CD53: variants seen among roughly 807,000 people sequenced by gnomAD.
CD53 encodes the protein CD53 molecule, also known as leukocyte surface antigen CD53.
A neutral mutation model predicts 27.3 loss-of-function variants in CD53; 20 were observed. That is an observed-to-expected ratio of 0.73 (90% CI 0.52 to 1.07). CD53 has a LOEUF of 1.07. Among genes scored for constraint, CD53 ranks in the 50% least tolerant of loss-of-function variants. The pLI, the probability that CD53 is intolerant of heterozygous loss-of-function variation, is 0.00. For synonymous variants in CD53, 106 were observed against 105.3 expected (o/e 1.01, Z -0.04); for missense variants, 216 against 264.0 (o/e 0.82, Z 1.26).
chr1:110,886,869 A>ATATATATATATTTTT (rs1298376721), intron 1 of CD53, among the ~76,000 whole-genome samples: 118 of 82,742 alleles, frequency 1.4e-3, no homozygotes, highest in South Asian at 2.1e-3. Context: ...ATATATATAT[A>ATATATATATATTTTT]TTTTTTTTTT....
intron 1 of CD53, among the ~76,000 whole-genome samples, chr1:110,881,059 A>T (rs1342998266): frequency 6.6e-6 from 1 of 152,214 alleles, no homozygotes; most frequent in Non-Finnish European, 1.5e-5. Flanking sequence ...TTTAAAGTAT[A>T]ATACAGGGGG....
chr1:110,895,597 C>T (rs772008159), intron 5 of CD53, among the ~76,000 whole-genome samples: 1 of 152,112 alleles, frequency 6.6e-6, no homozygotes, highest in Non-Finnish European at 1.5e-5. Flanking sequence ...TATGAAAGCA[C>T]GCTGGCTTAG....
chr1:110,884,233 T>A (rs923152363), intron 1 of CD53, among the ~76,000 whole-genome samples: 2 of 152,134 alleles, frequency 1.3e-5, no homozygotes, highest in Non-Finnish European at 2.9e-5. Flanking sequence ...AATTCAGAAT[T>A]CTAATTTTCT....
chr1:110,874,969 TAG>T (rs1305493736), intron 1 of CD53, among the ~76,000 whole-genome samples: 2 of 152,172 alleles, frequency 1.3e-5, no homozygotes, highest in Admixed American at 6.5e-5. Flanking sequence ...AAAGGAGTTG[TAG>T]AGTTTATTAT....
intron 3 of CD53, 145 bp from the exon 4 acceptor site, chr1:110,894,177 CACAAA>C: frequency 1.5e-6 from 1 of 666,288 alleles, no homozygotes; most frequent in Admixed American, 2.5e-5. Flanking sequence ...CACATATTTT[CACAAA>C]ACAAAAGAAG....
chr1:110,881,896 C>T (rs991535022), intron 1 of CD53, among the ~76,000 whole-genome samples: 5 of 152,132 alleles, frequency 3.3e-5, no homozygotes, highest in Non-Finnish European at 7.4e-5. Context: ...TCCTTATTTG[C>T]CATCCATATA....
chr1:110,897,353 T>G (rs1468333921), intron 6 of CD53, among the ~76,000 whole-genome samples: 1 of 152,196 alleles, frequency 6.6e-6, no homozygotes, highest in Non-Finnish European at 1.5e-5. Flanking sequence ...GTTTTTCAGG[T>G]TTGTGGAGAA....
intron 6 of CD53, 120 bp downstream of exon 6, chr1:110,896,853 A>C: frequency 1.2e-6 from 1 of 819,688 alleles, no homozygotes; most frequent in South Asian, 1.8e-5. Flanking sequence ...CTTGAATAAA[A>C]GAGAGGCCAG....
intron 1 of CD53, among the ~76,000 whole-genome samples, chr1:110,876,713 C>A (rs546711655): frequency 9.2e-5 from 14 of 152,074 alleles, no homozygotes; most frequent in Non-Finnish European, 2.9e-5. Flanking sequence ...ACATAGAAGA[C>A]AAATTGTAAT....
Position 110,894,344 on chromosome 1 carries a change from G to A in CD53, c.270G>A (p.Leu90=). ...CLLMSFFILL[L]IILLAEVTLA... ...TGTCCCAGTTCTTCATCCTGCTGCT[G>A]ATTATCCTCCTTGCTGAGGTGACCT... Residue 90 remains leucine, a synonymous_variant, in exon 4 of 8, where the codon CTG becomes CTA. Coordinates refer to ENST00000271324, the MANE Select transcript of CD53 (RefSeq NM_000560.4). 1.2e-6 allele frequency: 2 copies of A among 1,614,056 alleles called. No individual in the cohort carries two copies. The highest frequency in any genetic ancestry group is 2.2e-5 in the South Asian group (2 of 91,074).
intron 1 of CD53, 38 bp from the exon 2 acceptor site, chr1:110,891,354 G>A: frequency 1.5e-6 from 2 of 1,320,918 alleles, no homozygotes; most frequent in Non-Finnish European, 1.1e-6. Context: ...CTACCTTACA[G>A]AGTGAGGTAA....
At position 110,895,036 on chromosome 1, in the gene CD53, G is replaced by T. The variant is rs1326998861; in HGVS notation, c.404G>T (p.Trp135Leu). The T allele has an allele frequency of 2.5e-6, 4 of 1,613,296 alleles. No individual in the cohort carries two copies. The Admixed American group carries it at 6.7e-5, about 27-fold the overall frequency. Residue 135 changes from tryptophan to leucine, a missense_variant, in exon 5 of 8, where the codon TGG (tryptophan) becomes TTG (leucine). By Grantham distance (61) the Trp-to-Leu change is moderately conservative. Transcript: ENST00000271324. ...YHSDNSTKAA[W>L]DSIQSFLQCC... ...TCAGACAATAGCACCAAGGCAGCGT[G>T]GGACTCCATCCAGTCATTTGTGAGT...
At chr1:110,880,742 A>G (rs1656323365) in intron 1 of CD53, among the ~76,000 whole-genome samples, 1 of 152,236 alleles carries the variant, frequency 6.6e-6, no homozygotes. Flanking sequence ...AAAGATGAAT[A>G]GCATAGATCC....
At chr1:110,896,534 C>A in intron 5 of CD53, 119 bp from the exon 6 acceptor site, 1 of 877,438 alleles carries the variant, frequency 1.1e-6, no homozygotes, top group Non-Finnish European at 1.8e-6. Context: ...GCAATCAGAC[C>A]AATTCTGGAC....
chr1:110,874,139 C>T (rs529208733), intron 1 of CD53, among the ~76,000 whole-genome samples: 1 of 152,118 alleles, frequency 6.6e-6, no homozygotes, highest in Admixed American at 6.6e-5. Context: ...CTTGATTATG[C>T]CCTGGAGCAG....
At chr1:110,896,087 T>C (rs1050711403) in intron 5 of CD53, among the ~76,000 whole-genome samples, 2 of 152,246 alleles carry the variant, frequency 1.3e-5, no homozygotes, top group East Asian at 1.9e-4. Flanking sequence ...TAATCTATAA[T>C]AGTACACCTC....
chr1:110,884,427 G>A (rs1226858458), intron 1 of CD53, among the ~76,000 whole-genome samples: 1 of 152,088 alleles, frequency 6.6e-6, no homozygotes, highest in Admixed American at 6.5e-5. Flanking sequence ...ACCTTGAAAA[G>A]AATGTATGTT....
chr1:110,886,089 CT>C (rs920804592), intron 1 of CD53, among the ~76,000 whole-genome samples: 3 of 151,820 alleles, frequency 2.0e-5, no homozygotes, highest in Non-Finnish European at 1.5e-5. Flanking sequence ...TCTTAAAGTC[CT>C]TTTTTTAAGT....
At chr1:110,895,207 G>C in intron 5 of CD53, 152 bp downstream of exon 5, 1 of 631,216 alleles carries the variant, frequency 1.6e-6, no homozygotes, top group Non-Finnish European at 2.9e-6. Flanking sequence ...AAACATGGGA[G>C]CCCAGTAATT....
Sources: allele counts gnomAD v4.1 joint callset (sites outside exome capture counted in the v4.1 genomes callset), GRCh38; gene constraint gnomAD v4.1.1; transcripts MANE v1.5; gene names NCBI Gene and HGNC (gene_info 2026-07-23, HGNC 2026-07-21).